Variants in LVRN observed in about 807,000 individuals in gnomAD.
The protein encoded by LVRN is aminopeptidase Q.
A neutral mutation model predicts 111.4 loss-of-function variants in LVRN; 99 were observed. The observed-to-expected ratio is 0.89, with a 90% confidence interval of 0.76 to 1.05. The LOEUF is 1.05. Among genes scored for constraint, LVRN ranks in the 50% least tolerant of loss-of-function variants. The pLI is 0.00. For synonymous variants in LVRN, 488 were observed against 449.5 expected (o/e 1.09, Z -1.08); for missense variants, 1,414 against 1,206.8 (o/e 1.17, Z -2.54).
chr5:115,966,249 C>A (rs1266673452), intron 1 of LVRN, among the ~76,000 whole-genome samples: 2 of 152,228 alleles, frequency 1.3e-5, no homozygotes, highest in African/African-American at 4.8e-5. Flanking sequence ...TAACCCCTGA[C>A]AACCACTAAT....
In LVRN at chr5:116,015,611, A is replaced by G. The variant is rs752017441; in HGVS notation, c.2619-17A>G. The G allele has an allele frequency of 1.4e-5, 22 of 1,580,418 alleles. No homozygotes were observed. In the South Asian group the frequency reaches 1.9e-4, roughly 14 times the overall value. ...TTGGATGTTTAAAATGTATTTTTTG[A>G]AAATGCACTTTTGCAGATATATGGA... On this transcript the variant is annotated splice_polypyrimidine_tract_variant and intron_variant, in intron 17 of 19. Coordinates refer to ENST00000357872, the MANE Select transcript of LVRN (RefSeq NM_173800.5).
intron 13 of LVRN, chr5:116,010,495 T>G (rs747759104): frequency 5.5e-6 from 3 of 550,222 alleles, no homozygotes; most frequent in African/African-American, 1.9e-5. Context: ...AGTCCAACAT[T>G]TGGCCTGAAT....
intron 4 of LVRN, 77 bp downstream of exon 4, chr5:115,988,016 A>G: frequency 6.6e-7 from 1 of 1,526,700 alleles, no homozygotes; most frequent in Non-Finnish European, 8.9e-7. Flanking sequence ...AGATACACAG[A>G]CAAACCCATA....
intron 2 of LVRN, 49 bp from the exon 3 acceptor site, chr5:115,984,521 T>G (rs1487169335): frequency 2.5e-6 from 4 of 1,596,616 alleles, no homozygotes; most frequent in Admixed American, 1.7e-5. Flanking sequence ...TTCAAAGACA[T>G]GTAATTGCTT....
chr5:115,993,801 G>T lies in LVRN; in HGVS notation c.1321G>T (p.Ala441Ser). 4.3e-6 allele frequency: 7 copies of T among 1,610,180 alleles called. No homozygotes were observed. Among genetic ancestry groups the T allele is most frequent in the Non-Finnish European group, 5.9e-6 (7 of 1,178,704 alleles). ...CAATATCTGGCTCAACGAGGGTTTT[G>T]CATCTTATTTTGAGTTTGAAGTAAT... ...WNNIWLNEGF[A>S]SYFEFEVINY... The change falls in exon 6 of 20, where the codon GCA becomes TCA. Residue 441 changes from alanine (A) to serine (S), a missense_variant. Ala to Ser is a moderately conservative substitution (Grantham distance 99). Transcript: ENST00000357872.
At chr5:116,001,886 G>A (rs895044309) in intron 10 of LVRN, among the ~76,000 whole-genome samples, 2 of 152,166 alleles carry the variant, frequency 1.3e-5, no homozygotes, top group Non-Finnish European at 2.9e-5. Context: ...AATAGATTGT[G>A]TAAAAGTGAA....
chr5:116,003,530 A>G, intron 12 of LVRN, 150 bp downstream of exon 12: 1 of 467,708 alleles, frequency 2.1e-6, no homozygotes, highest in Non-Finnish European at 3.6e-6. Flanking sequence ...TCTTATTCTT[A>G]ACAAGTGGAG....
In LVRN at chr5:116,005,916, T is replaced by C. The variant is rs1034465489; in HGVS notation, c.2042T>C (p.Ile681Thr). 1.3e-6 allele frequency: 2 copies of C among 1,596,426 alleles called. No homozygotes were observed. Among genetic ancestry groups the C allele is most frequent in the Admixed American group, 1.7e-5 (1 of 59,956 alleles). ...TATTTGGGTCTAATTCTGCAGGCGA[T>C]TCCTGTTATTCACAGACTGCAGTTG... Reference protein sequence around the residue: ...NQQLEKDPKAIPVIHRLQLID... With the variant: ...NQQLEKDPKATPVIHRLQLID... Residue 681 changes from isoleucine to threonine, a missense_variant, in exon 13 of 20, where the codon ATT becomes ACT. By Grantham distance (89) the Ile-to-Thr change is moderately conservative. Transcript: ENST00000357872.
rs757553868 is a variant in LVRN at position 116,000,583 on chromosome 5, A to G, written c.1582-10A>G. ...TATTTATTTTAACCTTAACTTTTCT[A>G]TTTTTACAGTCATATTTGAAGACAT... On this transcript the variant is annotated splice_polypyrimidine_tract_variant and intron_variant, in intron 8 of 19. Coordinates refer to ENST00000357872, the MANE Select transcript of LVRN (RefSeq NM_173800.5). The G allele has an allele frequency of 8.1e-6, 13 of 1,613,622 alleles. No homozygotes were observed. Among genetic ancestry groups the G allele is most frequent in the African/African-American group, 1.3e-5 (1 of 74,896 alleles).
At chr5:116,025,845 G>A in intron 19 of LVRN, 133 bp from the exon 20 acceptor site, 3 of 1,119,728 alleles carry the variant, frequency 2.7e-6, no homozygotes, top group Non-Finnish European at 3.8e-6. Context: ...CACAACCTAG[G>A]AGTATACATT....
chr5:115,975,206 A>G, intron 1 of LVRN: 1 of 484,384 alleles, frequency 2.1e-6, no homozygotes, highest in East Asian at 5.7e-5. Flanking sequence ...CGCACATCTA[A>G]CAAAATCTTC....
chr5:115,990,818 C>T (rs1220973709), intron 4 of LVRN, among the ~76,000 whole-genome samples: 3 of 152,088 alleles, frequency 2.0e-5, no homozygotes, highest in South Asian at 2.1e-4. Context: ...GTGATCCGTC[C>T]GCCTAGCCCT....
Position 116,027,321 on chromosome 5 carries a change from CT to C in LVRN, c.*1206del, listed in dbSNP as rs1748887529. Reference sequence around the variant, plus strand: ...AAGGAGTATGACATCAATTAACAGTCTTTAAAGATGTTACATACGCTCAAAG... The same window carrying C: ...AAGGAGTATGACATCAATTAACAGTCTTAAAGATGTTACATACGCTCAAAG... On this transcript the variant is annotated 3_prime_UTR_variant, in exon 20 of 20. Coordinates refer to ENST00000357872, the MANE Select transcript of LVRN (RefSeq NM_173800.5). 6.6e-6 allele frequency: 1 copy of C among 152,188 alleles called. No individual in the cohort carries two copies. Among genetic ancestry groups the C allele is most frequent in the Non-Finnish European group, 1.5e-5 (1 of 68,032 alleles). 9.4% of individuals were successfully genotyped at this position (152,188 alleles called of 1,614,324 possible).
At position 115,983,352 on chromosome 5, in the gene LVRN, C is replaced by T; in HGVS notation, c.761C>T (p.Pro254Leu). ...TATGTTTTCCCTTGTTTTGATGAGC[C>T]AGCTCTGAAGGCAACTTTTAATATT... is the stretch of plus-strand genomic sequence containing the variant. The part of the protein sequence containing the change: ...ARYVFPCFDE[P>L]ALKATFNITM... Residue 254 changes from proline (P) to leucine (L), a missense_variant, in exon 2 of 20, where the codon CCA becomes CTA. Physicochemically the swap from Pro to Leu is moderately conservative, Grantham distance 98. Transcript: ENST00000357872. The T allele has an allele frequency of 6.2e-7, 1 of 1,612,064 alleles. No homozygotes were observed. Among genetic ancestry groups the T allele is most frequent in the Non-Finnish European group, 8.5e-7 (1 of 1,179,348 alleles).
At chr5:115,999,160 A>G (rs1748183768) in intron 6 of LVRN, among the ~76,000 whole-genome samples, 1 of 152,192 alleles carries the variant, frequency 6.6e-6, no homozygotes, top group Non-Finnish European at 1.5e-5. Context: ...GCTTTACTTC[A>G]GGGAGAAATT....
rs1346137705 is a variant in LVRN at position 115,963,324 on chromosome 5, A to G, written c.695+12A>G. 5.7e-6 allele frequency: 9 copies of G among 1,578,080 alleles called. No individual in the cohort carries two copies. In the Admixed American group the frequency reaches 1.4e-4, roughly 25 times the overall value. ...CAGGGCGAGCGCAGGTAAGGGCTGT[A>G]CAGCCCGGGGCCCCTCTCGGCCCCC... On this transcript the variant is annotated intron_variant, in intron 1 of 19. Coordinates refer to ENST00000357872, the MANE Select transcript of LVRN (RefSeq NM_173800.5).
chr5:115,991,031 A>G (rs559765132), intron 4 of LVRN, among the ~76,000 whole-genome samples: 2 of 152,230 alleles, frequency 1.3e-5, no homozygotes, highest in African/African-American at 2.4e-5. Context: ...ACTTGTTACA[A>G]TATTGAAACA....
chr5:116,021,783 C>G, intron 18 of LVRN: 1 of 422,072 alleles, frequency 2.4e-6, no homozygotes. Context: ...CATAGCAATA[C>G]TTCACAGCTA....
chr5:115,981,432 T>G (rs1753557067), intron 1 of LVRN, among the ~76,000 whole-genome samples: 1 of 152,094 alleles, frequency 6.6e-6, no homozygotes, highest in Non-Finnish European at 1.5e-5. Context: ...CTAGAACACT[T>G]TTTTTCAATT....
Sources: gnomAD v4.1 joint callset for allele counts (sites outside exome capture counted in the v4.1 genomes callset) on GRCh38, gnomAD v4.1.1 for gene constraint, MANE v1.5 for transcripts, NCBI Gene and HGNC (gene_info 2026-07-23, HGNC 2026-07-21) for gene names.